The following RAP1GAP2 variants were observed in gnomAD, a reference collection of about 807,000 sequenced individuals.
The protein encoded by RAP1GAP2 is RAP1 GTPase activating protein 2.
Under a neutral mutation model 95.0 loss-of-function variants are expected in RAP1GAP2, and 27 were observed. The observed-to-expected ratio is 0.28, with a 90% CI of 0.21 to 0.39. The LOEUF (loss-of-function observed/expected upper bound fraction) is 0.39. RAP1GAP2 is among the 10% of genes least tolerant of loss of function. RAP1GAP2 has a pLI of 1.00. For synonymous variants in RAP1GAP2, 373 were observed against 380.9 expected, an observed-to-expected ratio of 0.98 and a Z score of 0.24; for missense variants, 771 against 970.0, an observed-to-expected ratio of 0.79 and a Z score of 2.72.
intron 8 of RAP1GAP2, among the ~76,000 whole-genome samples, chr17:2,977,278 TA>T (rs1567847254): frequency 6.6e-6 from 1 of 152,132 alleles, no homozygotes; most frequent in Non-Finnish European, 1.5e-5. Flanking sequence ...TATAAACATA[TA>T]AATTTCCAAA....
chr17:3,026,515 C>A (rs1188138020), intron 21 of RAP1GAP2, 51 bp downstream of exon 21: 19 of 1,374,072 alleles, frequency 1.4e-5, no homozygotes, highest in Non-Finnish European at 1.8e-5. Context: ...CGTCAGCCAG[C>A]CACCCTCCTT....
rs534720668 is a variant in RAP1GAP2, at chr17:2,870,591, T to A, written c.81-34693T>A. On this transcript the variant is annotated intron_variant, in intron 2 of 24. Transcript: ENST00000254695. The surrounding 1 kb of genome is among the most constrained non-coding windows in gnomAD (Gnocchi z 4.4). ...TATTTTTTTTGTGGTCTTTTTTTTC[T>A]ATGCAAAAGCACACCCTTTCACGTA... is the stretch of plus-strand genomic sequence containing the variant. 6.0e-4 allele frequency among the ~76,000 whole-genome samples: 91 copies of A among 152,342 alleles called. 1 individual carries two copies. In the Middle Eastern group the frequency reaches 0.01, roughly 17 times the overall value.
At chr17:2,792,923 A>G (rs2068964190), upstream of RAP1GAP2, among the ~76,000 whole-genome samples, 1 of 152,182 alleles carries the variant, frequency 6.6e-6, no homozygotes, top group African/African-American at 2.4e-5. Flanking sequence ...CTGTCTCCAT[A>G]GACCGGGAGG....
At chr17:2,757,956 G>C (rs191156691) in intron 1 of RAP1GAP2, among the ~76,000 whole-genome samples, 4 of 151,312 alleles carry the variant, frequency 2.6e-5, no homozygotes, top group African/African-American at 9.7e-5. Context: ...TGCAAGCTCC[G>C]CCTGCCGGGT....
At chr17:2,887,534 C>G (rs150046873) in intron 2 of RAP1GAP2, among the ~76,000 whole-genome samples, 57 of 149,186 alleles carry the variant, frequency 3.8e-4, no homozygotes, top group Non-Finnish European at 7.7e-4. Context: ...GCCACTGCGC[C>G]CAGCTAATTT....
Position 2,963,241 on chromosome 17 carries a change from G to C in RAP1GAP2, c.247-189G>C, listed in dbSNP as rs2044419213. 2.9e-6 allele frequency: 2 copies of C among 689,134 alleles called. No individual in the cohort carries two copies. Among genetic ancestry groups the C allele is most frequent in the East Asian group, 5.4e-5 (2 of 37,248 alleles). 42.7% of individuals were successfully genotyped at this position (689,134 alleles called of 1,614,324 possible). Reference sequence around the variant, plus strand: ...ATCAGCTGGCAGGGTTTATGTTTGGGTTCTGTCAGTTTGGAGAAGAACATG... The same window carrying C: ...ATCAGCTGGCAGGGTTTATGTTTGGCTTCTGTCAGTTTGGAGAAGAACATG... On this transcript the variant is annotated intron_variant, in intron 5 of 24. Coordinates refer to ENST00000254695, the MANE Select transcript of RAP1GAP2 (RefSeq NM_015085.5). The surrounding 1 kb of genome is among the most constrained non-coding windows in gnomAD (Gnocchi z 4.8).
intron 12 of RAP1GAP2, among the ~76,000 whole-genome samples, chr17:2,993,507 A>G (rs2045846373): frequency 6.6e-6 from 1 of 151,712 alleles, no homozygotes; most frequent in Non-Finnish European, 1.5e-5. Flanking sequence ...CAGGAGATGG[A>G]GGCTGCAGTG....
At chr17:2,836,062 A>ATAAC (rs2071113674) in intron 2 of RAP1GAP2, among the ~76,000 whole-genome samples, 1 of 151,984 alleles carries the variant, frequency 6.6e-6, no homozygotes, top group East Asian at 1.9e-4. Flanking sequence ...TCTGGGTGTT[A>ATAAC]GGAGGTAGGT....
At chr17:2,974,726 G>A (rs2045034598) in intron 8 of RAP1GAP2, among the ~76,000 whole-genome samples, 1 of 151,906 alleles carries the variant, frequency 6.6e-6, no homozygotes, top group African/African-American at 2.4e-5. Flanking sequence ...GTGCCCCTCA[G>A]GAGAGAGAAT....
At chr17:2,794,870 C>CTTTTT (rs148825285), upstream of RAP1GAP2, among the ~76,000 whole-genome samples, 1 of 57,932 alleles carries the variant, frequency 1.7e-5, no homozygotes, top group African/African-American at 6.1e-5. Context: ...CGTTTTTTTC[C>CTTTTT]TTTTTTTTTT....
intron 1 of RAP1GAP2, chr17:2,800,202 G>A (rs1181546862): frequency 1.3e-5 from 13 of 985,320 alleles, no homozygotes; most frequent in East Asian, 1.1e-4. Flanking sequence ...AAGTGCTTAC[G>A]ATCCCTGGAC....
chr17:2,798,261 C>T (rs577830541), intron 1 of RAP1GAP2, among the ~76,000 whole-genome samples: 2 of 152,180 alleles, frequency 1.3e-5, no homozygotes, highest in African/African-American at 4.8e-5. Flanking sequence ...TGTGCTGGCT[C>T]AGTGTCCACT....
intron 8 of RAP1GAP2, among the ~76,000 whole-genome samples, chr17:2,966,885 C>T (rs1241749511): frequency 3.9e-5 from 6 of 152,148 alleles, no homozygotes; most frequent in Admixed American, 1.3e-4. Flanking sequence ...AAAGATCTAA[C>T]CCCCTTTTTC....
chr17:3,029,629 T>G lies in RAP1GAP2; in HGVS notation c.2108-1293T>G, dbSNP rs897031370. Among the ~76,000 whole-genome samples the G allele has an allele frequency of 6.6e-6, 1 of 152,126 alleles. No individual in the cohort carries two copies. Among genetic ancestry groups the G allele is most frequent in the Non-Finnish European group, 1.5e-5 (1 of 68,018 alleles). On this transcript the variant is annotated intron_variant, in intron 22 of 24. Transcript: ENST00000254695. This position sits in a 1 kb window ranked among gnomAD's most constrained non-coding sequence, Gnocchi z 4.4. ...AGGACTGATAGGTTACACAGAGGTG[T>G]TGTAGCCCTGGGTGGAACTCCTCGA...
chr17:2,938,276 T>C (rs903437800), intron 3 of RAP1GAP2, among the ~76,000 whole-genome samples: 1 of 152,100 alleles, frequency 6.6e-6, no homozygotes, highest in Admixed American at 6.6e-5. Context: ...GGCCACGAGT[T>C]AGTAGCTTGT....
chr17:2,794,669 A>C (rs1037928866), upstream of RAP1GAP2, among the ~76,000 whole-genome samples: 5 of 152,166 alleles, frequency 3.3e-5, no homozygotes, highest in Non-Finnish European at 5.9e-5. Flanking sequence ...TCAGGGCTTG[A>C]GGCCCCTGTG....
intron 2 of RAP1GAP2, among the ~76,000 whole-genome samples, chr17:2,901,657 C>T (rs575920225): frequency 6.6e-6 from 1 of 152,184 alleles, no homozygotes; most frequent in East Asian, 1.9e-4. Context: ...TCACTTTCAC[C>T]TCCTCGTGTG....
chr17:2,872,150 G>A (rs1039747443), intron 2 of RAP1GAP2, among the ~76,000 whole-genome samples: 16 of 136,160 alleles, frequency 1.2e-4, no homozygotes, highest in Non-Finnish European at 9.2e-5. Flanking sequence ...GAAGGTGGAG[G>A]TTGCAGTAAG....
intron 3 of RAP1GAP2, among the ~76,000 whole-genome samples, chr17:2,956,501 G>C (rs1049053570): frequency 1.3e-5 from 2 of 152,186 alleles, no homozygotes; most frequent in Admixed American, 1.3e-4. Context: ...AGAGTGCTTG[G>C]AGGCCCCACC....
Sources: gnomAD v4.1 joint callset for allele counts (sites outside exome capture counted in the v4.1 genomes callset) on GRCh38, gnomAD v4.1.1 for gene constraint, Gnocchi (gnomAD v3.1) non-coding constraint, MANE v1.5 for transcripts, NCBI Gene and HGNC (gene_info 2026-07-23, HGNC 2026-07-21) for gene names.